The following TSPEAR variants were observed in gnomAD, a reference collection of about 807,000 sequenced individuals.
TSPEAR encodes the protein thrombospondin-type laminin G domain and EAR repeat-containing protein.
TSPEAR carries 69 observed loss-of-function variants against 71.6 expected under a neutral mutation model. That is an observed-to-expected ratio of 0.96 (90% CI 0.79 to 1.18). TSPEAR has a LOEUF of 1.18. TSPEAR is among the 50% of genes most tolerant of loss of function. The pLI, the probability that TSPEAR is intolerant of heterozygous loss-of-function variation, is 0.00. For synonymous variants in TSPEAR, 402 were observed against 387.2 expected, an observed-to-expected ratio of 1.04 and a Z score of -0.45; for missense variants, 971 against 894.9, an observed-to-expected ratio of 1.09 and a Z score of -1.09.
chr21:44,631,471 C>G (rs1983254080), intron 1 of TSPEAR, among the ~76,000 whole-genome samples: 1 of 152,142 alleles, frequency 6.6e-6, no homozygotes, highest in Non-Finnish European at 1.5e-5. Context: ...AATCCCAGCA[C>G]TTTGGGAGGC....
At chr21:44,601,574 G>A (rs782251684) in intron 1 of TSPEAR, 1 of 1,612,798 alleles carries the variant, frequency 6.2e-7, no homozygotes, top group South Asian at 1.1e-5. Flanking sequence ...CCCGTGTGCA[G>A]GCCCGCCTGC....
At chr21:44,529,340 G>A (rs1371457157) in intron 5 of TSPEAR, among the ~76,000 whole-genome samples, 4 of 152,358 alleles carry the variant, frequency 2.6e-5, no homozygotes, top group Non-Finnish European at 5.9e-5. Flanking sequence ...TGGGCCGGGG[G>A]ATCGTGGAAG....
intron 9 of TSPEAR, among the ~76,000 whole-genome samples, chr21:44,510,506 G>T (rs1256774815): frequency 6.6e-6 from 1 of 152,220 alleles, no homozygotes; most frequent in East Asian, 1.9e-4. Flanking sequence ...CCTGCCCTCC[G>T]CAGCAGGTCA....
chr21:44,638,111 C>T lies in TSPEAR; in HGVS notation c.83-70106G>A, dbSNP rs782380523. On this transcript the variant is annotated intron_variant, in intron 1 of 11. Transcript: ENST00000323084. ...GGCCTCCTGTGTTTCCCTCCTCTGC[C>T]GCCCCGTGTGCTCCCGCCCTGCCTG... 76 of 1,613,346 alleles carry T rather than the reference C, an allele frequency of 4.7e-5. No individual in the cohort carries two copies. Among genetic ancestry groups the T allele is most frequent in the African/African-American group, 9.4e-5 (7 of 74,792 alleles).
rs894755492 is a variant in TSPEAR, at chr21:44,687,383, A to G, written c.82+24050T>C. Among the ~76,000 whole-genome samples the G allele has an allele frequency of 9.2e-5, 14 of 152,128 alleles. No individual in the cohort carries two copies. Among genetic ancestry groups the G allele is most frequent in the African/African-American group, 3.4e-4 (14 of 41,426 alleles). On this transcript the variant is annotated intron_variant, in intron 1 of 11. Transcript: ENST00000323084. The surrounding 1 kb of genome is among the most constrained non-coding windows in gnomAD (Gnocchi z 4.4). ...ATAACAGAAAAAACCGGAACGGCCC[A>G]TGTGCCCATTAGCTGGTGGATGGAT... is the stretch of plus-strand genomic sequence containing the variant.
rs587741012 is a variant in TSPEAR at position 44,670,899 on chromosome 21, C to G, written c.82+40534G>C. Among the ~76,000 whole-genome samples, 130 of 152,326 alleles carry G rather than the reference C, an allele frequency of 8.5e-4. 1 individual carries two copies. In the South Asian group the frequency reaches 0.025, roughly 30 times the overall value. ...GAGGGCTGCAGGAGTGCAATACCAG[C>G]TGGATGCATCAATAAGGCAGGGGTT... is the stretch of plus-strand genomic sequence containing the variant. On this transcript the variant is annotated intron_variant, in intron 1 of 11. Transcript: ENST00000323084.
intron 1 of TSPEAR, among the ~76,000 whole-genome samples, chr21:44,701,410 G>A (rs1323830464): frequency 6.6e-6 from 1 of 152,238 alleles, no homozygotes; most frequent in Non-Finnish European, 1.5e-5. Context: ...GGACTGGGGA[G>A]GGGGATGGTT....
In TSPEAR at chr21:44,499,909, C is replaced by CGCCACGAAGCCCTCGTAGCCCT; in HGVS notation, c.1862_1883dup (p.Val629GlyfsTer72). 4 of 1,607,876 alleles carry CGCCACGAAGCCCTCGTAGCCCT rather than the reference C, an allele frequency of 2.5e-6. No homozygotes were observed. Among genetic ancestry groups the CGCCACGAAGCCCTCGTAGCCCT allele is most frequent in the Non-Finnish European group, 3.4e-6 (4 of 1,178,184 alleles). On this transcript the variant is annotated frameshift_variant, in exon 12 of 12. Coordinates refer to ENST00000323084, the MANE Select transcript of TSPEAR (RefSeq NM_144991.3). LOFTEE classifies it high-confidence loss of function. ...AGCCGACGGTGGGGAGGCTGTGCACCGCCACGAAGCCCTCGTAGCCCTGCC... is the reference window on the plus strand; with the variant it reads ...AGCCGACGGTGGGGAGGCTGTGCACCGCCACGAAGCCCTCGTAGCCCTGCCACGAAGCCCTCGTAGCCCTGCC...
At chr21:44,637,477 C>T (rs587616727) in intron 1 of TSPEAR, 93 of 1,613,214 alleles carry the variant, frequency 5.8e-5, no homozygotes, top group Non-Finnish European at 3.6e-5. Flanking sequence ...GGCGGGTAGT[C>T]GACTGCCCAG....
At chr21:44,500,632 T>TG (rs1555911014) in intron 11 of TSPEAR, among the ~76,000 whole-genome samples, 1 of 152,220 alleles carries the variant, frequency 6.6e-6, no homozygotes, top group Non-Finnish European at 1.5e-5. Flanking sequence ...GGGGTCCCCC[T>TG]GGGATCCCCC....
chr21:44,510,427 T>A (rs1203625747), intron 9 of TSPEAR, among the ~76,000 whole-genome samples: 1 of 152,192 alleles, frequency 6.6e-6, no homozygotes, highest in African/African-American at 2.4e-5. Flanking sequence ...CAGCAACCAC[T>A]GGGACGTTTT....
chr21:44,585,309 G>A (rs1555925560), intron 1 of TSPEAR, among the ~76,000 whole-genome samples: 1 of 152,156 alleles, frequency 6.6e-6, no homozygotes, highest in African/African-American at 2.4e-5. Flanking sequence ...TTCTTGTGAA[G>A]CTTTTCCTCT....
chr21:44,611,174 A>G (rs891618541), intron 1 of TSPEAR, among the ~76,000 whole-genome samples: 1 of 152,130 alleles, frequency 6.6e-6, no homozygotes, highest in Non-Finnish European at 1.5e-5. Context: ...ATGTGAAGAC[A>G]TAAGATTTGG....
At chr21:44,705,552 G>T (rs1194346110) in intron 1 of TSPEAR, among the ~76,000 whole-genome samples, 5 of 152,186 alleles carry the variant, frequency 3.3e-5, no homozygotes, top group African/African-American at 1.2e-4. Context: ...GGCACCTAGG[G>T]GTAGGTCTCT....
chr21:44,533,734 A>G lies in TSPEAR; in HGVS notation c.493T>C (p.Ser165Pro), dbSNP rs587731143. 6.2e-7 allele frequency: 1 copy of G among 1,612,108 alleles called. No homozygotes were observed. The highest frequency in any genetic ancestry group is 1.3e-5 in the African/African-American group (1 of 75,042). ...GRWHTLVLAV[S>P]AGVFSLTTDC... ...GTGGTGAGGGAGAAGACGCCTGCGG[A>G]CACAGCCAGGACCAGTGTGTGCCAG... Residue 165 changes from serine to proline, a missense_variant, in exon 3 of 12, where the codon TCC becomes CCC. Ser to Pro is a moderately conservative substitution (Grantham distance 74). Coordinates refer to ENST00000323084, the MANE Select transcript of TSPEAR (RefSeq NM_144991.3).
intron 1 of TSPEAR, among the ~76,000 whole-genome samples, chr21:44,594,691 C>A (rs1980239653): frequency 6.6e-6 from 1 of 152,180 alleles, no homozygotes; most frequent in Non-Finnish European, 1.5e-5. Context: ...AGCTCCTGCC[C>A]CAGCCCCTCC....
intron 2 of TSPEAR, among the ~76,000 whole-genome samples, chr21:44,554,526 G>T (rs1456076882): frequency 4.6e-5 from 7 of 152,242 alleles, no homozygotes; most frequent in African/African-American, 1.7e-4. Context: ...AATGTGCTCA[G>T]TTATAACTGC....
chr21:44,620,639 T>C (rs903491033), intron 1 of TSPEAR, among the ~76,000 whole-genome samples: 5 of 152,360 alleles, frequency 3.3e-5, no homozygotes, highest in African/African-American at 1.2e-4. Context: ...CTTGATTCGA[T>C]TGATTTTTAA....
intron 1 of TSPEAR, chr21:44,600,630 G>C: frequency 6.2e-7 from 1 of 1,612,702 alleles, no homozygotes; most frequent in South Asian, 1.1e-5. Context: ...GCATGGCTGC[G>C]TCCACTATGT....
Sources: allele counts gnomAD v4.1 joint callset (sites outside exome capture counted in the v4.1 genomes callset), GRCh38; gene constraint gnomAD v4.1.1; non-coding constraint Gnocchi (gnomAD v3.1); transcripts MANE v1.5; gene names NCBI Gene and HGNC (gene_info 2026-07-23, HGNC 2026-07-21).